TFB1M: variants seen among roughly 807,000 people sequenced by gnomAD.
TFB1M encodes dimethyladenosine transferase 1, mitochondrial.
In TFB1M, 27 loss-of-function variants were observed where a neutral mutation model predicts 31.1. The ratio of observed to expected loss-of-function variants is 0.87; its 90% CI spans 0.64 to 1.20. The LOEUF (loss-of-function observed/expected upper bound fraction) is 1.20. TFB1M is among the 50% of genes most tolerant of loss of function. The pLI, the probability that TFB1M is intolerant of heterozygous loss-of-function variation, is 0.00. For synonymous variants in TFB1M, 166 were observed against 151.8 expected (o/e 1.09, Z -0.69); for missense variants, 394 against 418.7 (o/e 0.94, Z 0.51).
In TFB1M at chr6:155,257,452, A is replaced by G; in HGVS notation, c.*384T>C. 1 of 336,072 alleles carries G rather than the reference A, an allele frequency of 3.0e-6. No individual in the cohort carries two copies. Among genetic ancestry groups the G allele is most frequent in the Non-Finnish European group, 5.4e-6 (1 of 185,054 alleles). The allele number at this position is 336,072 out of a possible 1,614,324, so 20.8% of individuals were successfully genotyped here. On this transcript the variant is annotated 3_prime_UTR_variant, in exon 7 of 7. Transcript: ENST00000367166. ...GGAAGTCGTGATTAATAGTTTTCAA[A>G]GGGCCATTTTTTAAAATCCTCTGGG...
In TFB1M at chr6:155,258,033, C is replaced by G; in HGVS notation, c.844G>C (p.Glu282Gln). The G allele has an allele frequency of 3.1e-6, 5 of 1,614,226 alleles. No homozygotes were observed. The highest frequency in any genetic ancestry group is 1.3e-5 in the African/African-American group (1 of 75,050). ...AGAGTAGGGTCTATGTCTGCCAACT[C>G]TAACAGCCTGCCCGTGCTTTCCAAG... ...QRLESTGRLL[E>Q]LADIDPTLRP... Residue 282 changes from glutamate to glutamine, a missense_variant, in exon 7 of 7, where the codon GAG (glutamate) becomes CAG (glutamine). By Grantham distance (29) the Glu-to-Gln change is conservative (BLOSUM62 2). Coordinates refer to ENST00000367166, the MANE Select transcript of TFB1M (RefSeq NM_016020.4).
chr6:155,250,993 T>C, the TFB1M span: 11 of 1,614,050 alleles, frequency 6.8e-6, no homozygotes, highest in East Asian at 6.7e-5. Flanking sequence ...TAGGAAAAGC[T>C]AGAAAGGACC....
intron 4 of TFB1M, among the ~76,000 whole-genome samples, chr6:155,290,060 C>T (rs1776837416): frequency 6.6e-6 from 1 of 152,154 alleles, no homozygotes; most frequent in Non-Finnish European, 1.5e-5. Context: ...ATTACCCAGT[C>T]TCAGGTATCT....
intron 5 of TFB1M, among the ~76,000 whole-genome samples, chr6:155,264,613 T>A (rs1784535503): frequency 6.6e-6 from 1 of 152,214 alleles, no homozygotes; most frequent in Non-Finnish European, 1.5e-5. Flanking sequence ...TCACCCTTTT[T>A]TCTTCCTACA....
chr6:155,241,266 C>T, the TFB1M span, among the ~76,000 whole-genome samples: 1 of 152,192 alleles, frequency 6.6e-6, no homozygotes, highest in Admixed American at 6.5e-5. Context: ...CTCATAAGCC[C>T]CCAGTCAGTG....
intron 2 of TFB1M, 186 bp downstream of exon 2, chr6:155,311,002 T>C: frequency 3.0e-6 from 2 of 659,766 alleles, no homozygotes; most frequent in Non-Finnish European, 5.2e-6. Flanking sequence ...CTGAGAGTGC[T>C]TGTTAAAAAT....
rs540744885 is a variant in TFB1M at position 155,308,191 on chromosome 6, G to A, written c.285+2997C>T. Among the ~76,000 whole-genome samples the A allele has an allele frequency of 1.1e-4, 16 of 152,206 alleles. No individual in the cohort carries two copies. In the South Asian group the frequency reaches 2.5e-3, roughly 24 times the overall value. On this transcript the variant is annotated intron_variant, in intron 2 of 6. Coordinates refer to ENST00000367166, the MANE Select transcript of TFB1M (RefSeq NM_016020.4). ...AAACAACGAAAAACTTAAAAACCTA[G>A]AAATGCACAATCAGAATGTGACAAC...
At chr6:155,275,948 G>A (rs1404944202) in intron 5 of TFB1M, 2 of 1,614,134 alleles carry the variant, frequency 1.2e-6, no homozygotes, top group East Asian at 2.2e-5. Context: ...CCCCATCCAC[G>A]TGCAGGCTGC....
rs536392718 is a variant in TFB1M at position 155,276,392 on chromosome 6, T to C, written c.666+8766A>G. On this transcript the variant is annotated intron_variant, in intron 5 of 6. Coordinates refer to ENST00000367166, the MANE Select transcript of TFB1M (RefSeq NM_016020.4). ...GGATTATGTGTAAATAACTGAGTAA[T>C]GCATATGAAATGGAACTTTTGGGTG... 9 of 1,594,030 alleles carry C rather than the reference T, an allele frequency of 5.6e-6. No individual in the cohort carries two copies. The African/African-American group carries it at 1.2e-4, about 21-fold the overall frequency.
At chr6:155,233,084 G>A in the TFB1M span, among the ~76,000 whole-genome samples, 363 of 152,302 alleles carry the variant, frequency 2.4e-3, no homozygotes, top group African/African-American at 8.4e-3. Flanking sequence ...AGGCGGGCAC[G>A]TAGCTCAGCT....
chr6:155,274,883 T>C (rs891622021), intron 5 of TFB1M, among the ~76,000 whole-genome samples: 13 of 152,232 alleles, frequency 8.5e-5, no homozygotes. Context: ...TGGCCTTAAT[T>C]TATTTTCTTC....
At chr6:155,237,900 T>C in the TFB1M span, among the ~76,000 whole-genome samples, 10 of 152,238 alleles carry the variant, frequency 6.6e-5, no homozygotes, top group Non-Finnish European at 1.2e-4. Flanking sequence ...CCTGGAGACA[T>C]TTTCATCATT....
At chr6:155,276,065 C>T in intron 5 of TFB1M, 1 of 1,614,138 alleles carries the variant, frequency 6.2e-7, no homozygotes, top group Non-Finnish European at 8.5e-7. Context: ...AACCAAGAGC[C>T]ATGCTTCCTT....
At position 155,257,653 on chromosome 6, in the gene TFB1M, T is replaced by C. The variant is rs1784155663; in HGVS notation, c.*183A>G. The C allele has an allele frequency of 6.2e-6, 4 of 645,584 alleles. No homozygotes were observed. The highest frequency in any genetic ancestry group is 1.1e-5 in the Non-Finnish European group (4 of 379,328). 40.0% of individuals were successfully genotyped at this position (645,584 alleles called of 1,614,324 possible). On this transcript the variant is annotated 3_prime_UTR_variant, in exon 7 of 7. Coordinates refer to ENST00000367166, the MANE Select transcript of TFB1M (RefSeq NM_016020.4). ...TATACAGTATATATTAAAAGAAAGC[T>C]TGTACTGTATCTTATTTGATGATAT...
chr6:155,276,160 T>G (rs1785198171), intron 5 of TFB1M: 1 of 1,614,114 alleles, frequency 6.2e-7, no homozygotes, highest in East Asian at 2.2e-5. Flanking sequence ...TAGCAAACTT[T>G]CTGGATCTGA....
At chr6:155,236,489 C>T in the TFB1M span, among the ~76,000 whole-genome samples, 2 of 151,958 alleles carry the variant, frequency 1.3e-5, no homozygotes, top group Non-Finnish European at 2.9e-5. Flanking sequence ...ATGGCAAAAC[C>T]CCATCTCTAC....
chr6:155,250,673 C>T, the TFB1M span: 1 of 1,497,164 alleles, frequency 6.7e-7, no homozygotes, highest in South Asian at 1.2e-5. Context: ...CATGTCTCAC[C>T]TACATGTGCG....
At chr6:155,312,847 G>C (rs779069871) in intron 1 of TFB1M, among the ~76,000 whole-genome samples, 53 of 151,994 alleles carry the variant, frequency 3.5e-4, no homozygotes, top group Non-Finnish European at 7.2e-4. Flanking sequence ...TTTATATTTA[G>C]AATGTGGCTA....
chr6:155,311,377 G>C, intron 1 of TFB1M, 38 bp from the exon 2 acceptor site: 7 of 1,586,318 alleles, frequency 4.4e-6, no homozygotes, highest in Non-Finnish European at 5.2e-6. Context: ...CAATTAACTT[G>C]GCAAATTTCA....
Sources: gnomAD v4.1 joint callset for allele counts (sites outside exome capture counted in the v4.1 genomes callset) on GRCh38, gnomAD v4.1.1 for gene constraint, MANE v1.5 for transcripts, NCBI Gene and HGNC (gene_info 2026-07-23, HGNC 2026-07-21) for gene names.